FBXL13: variants seen among roughly 807,000 people sequenced by gnomAD.
FBXL13 encodes the protein F-box and leucine-rich repeat protein 13.
FBXL13 carries 67 observed loss-of-function variants against 83.6 expected under a neutral mutation model. The ratio of observed to expected loss-of-function variants is 0.80; its 90% CI spans 0.66 to 0.98. The LOEUF is 0.98. Ranked by LOEUF, FBXL13 falls within the 50% of genes least tolerant of loss-of-function variation. The pLI, the probability that FBXL13 is intolerant of heterozygous loss-of-function variation, is 0.00. For synonymous variants in FBXL13, 272 were observed against 299.5 expected (o/e 0.91, Z 0.95); for missense variants, 822 against 866.5 (o/e 0.95, Z 0.64).
chr7:102,854,261 T>C (rs1805695706), intron 17 of FBXL13, among the ~76,000 whole-genome samples: 1 of 151,816 alleles, frequency 6.6e-6, no homozygotes, highest in Non-Finnish European at 1.5e-5. Context: ...CTCAGTAAAC[T>C]ATCACAAAAA....
At chr7:102,853,745 C>T (rs1406598537) in intron 17 of FBXL13, among the ~76,000 whole-genome samples, 2 of 152,152 alleles carry the variant, frequency 1.3e-5, no homozygotes, top group Non-Finnish European at 2.9e-5. Flanking sequence ...GAAGACATTT[C>T]TGCAGCCAAA....
At chr7:103,025,107 G>C (rs1157213730) in exon 6 of FBXL13, 2 of 1,612,278 alleles carry the variant, frequency 1.2e-6, no homozygotes, top group Non-Finnish European at 1.7e-6. Context: ...TCACATTTTA[G>C]AGTCTCATCT....
chr7:102,924,788 C>T (rs971970942), intron 10 of FBXL13, among the ~76,000 whole-genome samples: 5 of 151,802 alleles, frequency 3.3e-5, no homozygotes, highest in Admixed American at 1.3e-4. Flanking sequence ...CTACAGGCAC[C>T]CACCACCGCA....
chr7:102,899,837 G>A (rs1201883853), intron 11 of FBXL13, among the ~76,000 whole-genome samples: 2 of 152,164 alleles, frequency 1.3e-5, no homozygotes, highest in Admixed American at 6.5e-5. Flanking sequence ...ACTTTGGGAG[G>A]ACGAGGTGGG....
intron 17 of FBXL13, among the ~76,000 whole-genome samples, chr7:102,846,073 T>C (rs759728522): frequency 6.6e-6 from 1 of 152,176 alleles, no homozygotes; most frequent in African/African-American, 2.4e-5. Flanking sequence ...AATTAATACA[T>C]GGAAAATACA....
chr7:103,018,643 T>C (rs1487472524), intron 6 of FBXL13, among the ~76,000 whole-genome samples: 1 of 150,716 alleles, frequency 6.6e-6, no homozygotes, highest in Non-Finnish European at 1.5e-5. Context: ...ACCAAGCAAA[T>C]GGAAAACAAA....
At chr7:102,990,823 AACATGGAGTAACTCC>A (rs1242584352) in intron 6 of FBXL13, among the ~76,000 whole-genome samples, 8 of 152,212 alleles carry the variant, frequency 5.3e-5, no homozygotes, top group Non-Finnish European at 8.8e-5. Flanking sequence ...GAACTTGGGT[AACATGGAGTAACTCC>A]ACATGGCTAC....
intron 11 of FBXL13, among the ~76,000 whole-genome samples, chr7:102,889,642 A>G (rs1811270301): frequency 6.6e-6 from 1 of 151,658 alleles, no homozygotes; most frequent in South Asian, 2.1e-4. Context: ...ATTCCCACCT[A>G]TGAGTGAGAA....
At chr7:103,054,446 A>G (rs1271731907) in intron 2 of FBXL13, among the ~76,000 whole-genome samples, 1 of 151,600 alleles carries the variant, frequency 6.6e-6, no homozygotes, top group Non-Finnish European at 1.5e-5. Flanking sequence ...CACATATCTA[A>G]TTTGTGTTAG....
chr7:103,019,139 C>A (rs1792790040), intron 6 of FBXL13, among the ~76,000 whole-genome samples: 2 of 152,192 alleles, frequency 1.3e-5, no homozygotes, highest in South Asian at 4.1e-4. Context: ...GACCACAGTG[C>A]AATCAAACTA....
rs781691788 is a variant in FBXL13, at chr7:102,913,243, GTAT to G, written c.879-31_879-29del. On this transcript the variant is annotated intron_variant, in intron 10 of 19. Coordinates refer to ENST00000313221, the Ensembl canonical transcript of FBXL13. The stretch of plus-strand genomic sequence containing the variant: ...GAAAAGACAAAAGAGAGGAAGGAAA[GTAT>G]TATACTTCCGTTGTTCTCTCAAATC... The G allele has an allele frequency of 4.3e-6, 7 of 1,612,792 alleles. No individual in the cohort carries two copies. The Admixed American group carries it at 6.7e-5, about 15-fold the overall frequency.
intron 11 of FBXL13, among the ~76,000 whole-genome samples, chr7:102,887,844 C>T (rs1401478387): frequency 2.0e-5 from 3 of 152,162 alleles, no homozygotes; most frequent in African/African-American, 7.2e-5. Flanking sequence ...ATAAAATTAA[C>T]CATCACAGAA....
At chr7:103,068,698 T>C (rs1321240672) in intron 1 of FBXL13, among the ~76,000 whole-genome samples, 2 of 151,876 alleles carry the variant, frequency 1.3e-5, no homozygotes, top group Non-Finnish European at 2.9e-5. Flanking sequence ...GAGAAACCAA[T>C]AGGCTTATGG....
At chr7:102,845,348 C>G (rs1385118525) in intron 17 of FBXL13, among the ~76,000 whole-genome samples, 2 of 152,160 alleles carry the variant, frequency 1.3e-5, no homozygotes, top group South Asian at 4.1e-4. Flanking sequence ...CAAAAGATAC[C>G]TATTACCCCT....
intron 1 of FBXL13, among the ~76,000 whole-genome samples, chr7:103,056,731 T>G (rs1252982381): frequency 6.6e-6 from 1 of 152,198 alleles, no homozygotes; most frequent in Non-Finnish European, 1.5e-5. Context: ...GTGCTGGGAT[T>G]ACAGGCATGA....
At chr7:102,915,462 A>G (rs1460286880) in intron 10 of FBXL13, among the ~76,000 whole-genome samples, 1 of 151,910 alleles carries the variant, frequency 6.6e-6, no homozygotes, top group Non-Finnish European at 1.5e-5. Flanking sequence ...CAATAATTCC[A>G]AGAGTTTGAA....
At chr7:102,939,724 A>T in intron 8 of FBXL13, 2 of 782,782 alleles carry the variant, frequency 2.6e-6, no homozygotes, top group Admixed American at 2.9e-5. Context: ...TAAACATGAC[A>T]CTTATACTAG....
At chr7:102,939,656 T>A (rs774643078) in intron 8 of FBXL13, 89 of 1,326,616 alleles carry the variant, frequency 6.7e-5, no homozygotes, top group Non-Finnish European at 8.7e-5. Context: ...GCAACACTTA[T>A]ATACAGTAAA....
chr7:102,973,333 G>A (rs993114552), intron 6 of FBXL13: 1 of 608,602 alleles, frequency 1.6e-6, no homozygotes, highest in Non-Finnish European at 3.0e-6. Flanking sequence ...GCAGAAGCAG[G>A]AAGAGAGCCG....
Sources: gnomAD v4.1 joint callset for allele counts (sites outside exome capture counted in the v4.1 genomes callset) on GRCh38, gnomAD v4.1.1 for gene constraint, MANE v1.5 for transcripts, NCBI Gene and HGNC (gene_info 2026-07-23, HGNC 2026-07-21) for gene names.